Variants in METTL8 observed in about 807,000 individuals in gnomAD.
METTL8 encodes the protein methyltransferase 8, tRNA N3-cytidine, also known as tRNA N(3)-cytidine methyltransferase METTL8, mitochondrial.
METTL8 carries 32 observed loss-of-function variants against 48.7 expected under a neutral mutation model. That is an observed-to-expected ratio of 0.66 (90% CI 0.50 to 0.88). METTL8 has a LOEUF of 0.88. Ranked by LOEUF, METTL8 falls within the 40% of genes least tolerant of loss-of-function variation. METTL8 has a pLI of 0.00. For synonymous variants in METTL8, 136 were observed against 157.1 expected, an observed-to-expected ratio of 0.87 and a Z score of 1.01; for missense variants, 464 against 474.4, an observed-to-expected ratio of 0.98 and a Z score of 0.20.
chr2:171,399,586 C>T (rs1689444508), intron 1 of METTL8, among the ~76,000 whole-genome samples: 1 of 152,146 alleles, frequency 6.6e-6, no homozygotes, highest in African/African-American at 2.4e-5. Flanking sequence ...TCCCCAGCTA[C>T]AAATTTTGGC....
chr2:171,340,998 T>G (rs1248175605), intron 3 of METTL8, among the ~76,000 whole-genome samples: 1 of 152,226 alleles, frequency 6.6e-6, no homozygotes, highest in African/African-American at 2.4e-5. Flanking sequence ...CTTCAGGTAA[T>G]TCTTCGCTTT....
intron 1 of METTL8, among the ~76,000 whole-genome samples, chr2:171,413,817 G>T (rs1248637096): frequency 6.6e-6 from 1 of 152,146 alleles, no homozygotes; most frequent in Non-Finnish European, 1.5e-5. Context: ...TCATTTTGGC[G>T]AAGGTAAAAA....
chr2:171,360,859 T>C (rs1417554917), intron 2 of METTL8, among the ~76,000 whole-genome samples: 1 of 152,246 alleles, frequency 6.6e-6, no homozygotes, highest in Non-Finnish European at 1.5e-5. Flanking sequence ...TTTTTGTTAA[T>C]TTATGAACAG....
At chr2:171,333,202 A>C (rs886540974) in intron 5 of METTL8, among the ~76,000 whole-genome samples, 5 of 151,180 alleles carry the variant, frequency 3.3e-5, no homozygotes, top group African/African-American at 1.2e-4. Flanking sequence ...GGGTTCAAGC[A>C]ATTCTCCTGC....
intron 1 of METTL8, among the ~76,000 whole-genome samples, chr2:171,427,524 T>C (rs1212754136): frequency 6.6e-6 from 1 of 152,186 alleles, no homozygotes; most frequent in Non-Finnish European, 1.5e-5. Flanking sequence ...CACACTGGCC[T>C]TCTGAGAGTT....
intron 2 of METTL8, among the ~76,000 whole-genome samples, chr2:171,385,627 G>A (rs973464048): frequency 4.6e-5 from 7 of 152,294 alleles, no homozygotes; most frequent in African/African-American, 7.2e-5. Flanking sequence ...CACAGGTGTC[G>A]GGTGCAGACT....
In METTL8 at chr2:171,316,917, C is replaced by G. The variant is rs941677984; in HGVS notation, c.*7255G>C. Among the ~76,000 whole-genome samples the G allele has an allele frequency of 6.6e-6, 1 of 152,080 alleles. No individual in the cohort carries two copies. Among genetic ancestry groups the G allele is most frequent in the African/African-American group, 2.4e-5 (1 of 41,420 alleles). Reference sequence around the variant, plus strand: ...TCTGCTCACCTGAGGGAGCAGGGCACAACTAAAGATGTAAGGAGAGCGATC... The same window carrying G: ...TCTGCTCACCTGAGGGAGCAGGGCAGAACTAAAGATGTAAGGAGAGCGATC... On this transcript the variant is annotated 3_prime_UTR_variant, in exon 10 of 10. Coordinates refer to ENST00000375258, the MANE Select transcript of METTL8 (RefSeq NM_001321154.2).
intron 4 of METTL8, among the ~76,000 whole-genome samples, chr2:171,337,918 A>G (rs1368451238): frequency 3.3e-5 from 5 of 152,202 alleles, no homozygotes; most frequent in Admixed American, 3.3e-4. Flanking sequence ...TATTAAAACA[A>G]GGTACAATTT....
chr2:171,383,867 A>G (rs1415473698), intron 2 of METTL8, among the ~76,000 whole-genome samples: 1 of 152,246 alleles, frequency 6.6e-6, no homozygotes, highest in Non-Finnish European at 1.5e-5. Flanking sequence ...CACTGTGGAA[A>G]ACAATTTGAG....
rs1017478684 is a variant in METTL8 at position 171,319,794 on chromosome 2, T to C, written c.*4378A>G. The C allele has an allele frequency of 6.6e-6, 1 of 152,210 alleles. No homozygotes were observed. The highest frequency in any genetic ancestry group is 1.5e-5 in the Non-Finnish European group (1 of 68,042). 9.4% of individuals were successfully genotyped at this position (152,210 alleles called of 1,614,324 possible). On this transcript the variant is annotated 3_prime_UTR_variant, in exon 10 of 10. Coordinates refer to ENST00000375258, the MANE Select transcript of METTL8 (RefSeq NM_001321154.2). ...TTCCTCATGTGTGAGAATTTTTACA[T>C]TTGGACGATGCTCAAAAGTGAATTT...
chr2:171,370,165 C>A (rs770741075), intron 2 of METTL8, among the ~76,000 whole-genome samples: 14 of 151,824 alleles, frequency 9.2e-5, no homozygotes, highest in Non-Finnish European at 2.1e-4. Flanking sequence ...AAACAGACAA[C>A]CAAACAAATA....
intron 2 of METTL8, among the ~76,000 whole-genome samples, chr2:171,361,217 GGTAATTTTTTT>G (rs1685131427): frequency 6.6e-6 from 1 of 150,568 alleles, no homozygotes; most frequent in Non-Finnish European, 1.5e-5. Flanking sequence ...ATACAAGAAA[GGTAATTTTTTT>G]TAAGTTTTGT....
chr2:171,377,550 T>C (rs780135774), intron 2 of METTL8, among the ~76,000 whole-genome samples: 3 of 151,768 alleles, frequency 2.0e-5, no homozygotes, highest in African/African-American at 4.8e-5. Context: ...ATAAAACAAA[T>C]AATCCTGTCA....
At chr2:171,428,950 G>A (rs1201185837) in intron 1 of METTL8, among the ~76,000 whole-genome samples, 1 of 152,166 alleles carries the variant, frequency 6.6e-6, no homozygotes. Context: ...ATGTGGGCAA[G>A]ATAATGAAAA....
chr2:171,407,803 T>A (rs1256753206), intron 1 of METTL8, among the ~76,000 whole-genome samples: 4 of 152,214 alleles, frequency 2.6e-5, no homozygotes, highest in African/African-American at 4.8e-5. Context: ...TGTGTTTGCA[T>A]TTATGATCTT....
At chr2:171,370,920 G>A (rs1420632032) in intron 2 of METTL8, among the ~76,000 whole-genome samples, 3 of 152,132 alleles carry the variant, frequency 2.0e-5, no homozygotes, top group African/African-American at 7.2e-5. Context: ...GCAATGTTCT[G>A]CTCCTGACTA....
chr2:171,329,955 T>C (rs1448335066), intron 7 of METTL8, among the ~76,000 whole-genome samples: 1 of 152,222 alleles, frequency 6.6e-6, no homozygotes, highest in Admixed American at 6.5e-5. Context: ...CTCTTTATGT[T>C]TTCTCTCTGG....
chr2:171,378,768 G>A (rs1006099076), intron 2 of METTL8, among the ~76,000 whole-genome samples: 1 of 152,194 alleles, frequency 6.6e-6, no homozygotes, highest in Non-Finnish European at 1.5e-5. Context: ...CAAGTTCTTA[G>A]AGACCTACAA....
chr2:171,358,466 T>G (rs746093367), intron 3 of METTL8, among the ~76,000 whole-genome samples: 1 of 151,604 alleles, frequency 6.6e-6, no homozygotes, highest in Non-Finnish European at 1.5e-5. Context: ...AACAGACACA[T>G]TGACTGATGG....
Sources: gnomAD v4.1 joint callset for allele counts (sites outside exome capture counted in the v4.1 genomes callset) on GRCh38, gnomAD v4.1.1 for gene constraint, MANE v1.5 for transcripts, NCBI Gene and HGNC (gene_info 2026-07-23, HGNC 2026-07-21) for gene names.